STK10: variants seen among roughly 807,000 people sequenced by gnomAD.
STK10 encodes the protein serine/threonine-protein kinase 10.
Under a neutral mutation model 113.8 loss-of-function variants are expected in STK10, and 78 were observed. That is an observed-to-expected ratio of 0.69 (90% CI 0.57 to 0.83). The LOEUF (loss-of-function observed/expected upper bound fraction) is 0.83, where lower values mean the gene tolerates loss of function less well. Ranked by LOEUF, STK10 falls within the 40% of genes least tolerant of loss-of-function variation. The pLI is 0.00. For missense variants in STK10, 1,109 were observed against 1,280.1 expected (o/e 0.87, Z 2.04); for synonymous variants, 465 against 494.7 (o/e 0.94, Z 0.80).
At chr5:172,079,358 TACATGTCATAC>T (rs1255881573) in intron 12 of STK10, among the ~76,000 whole-genome samples, 1 of 152,098 alleles carries the variant, frequency 6.6e-6, no homozygotes, top group African/African-American at 2.4e-5. Context: ...GTACTCAGCT[TACATGTCATAC>T]ACTGAGAGGC....
rs945783019 is a variant in STK10 at position 172,042,726 on chromosome 5, A to G, written c.*2156T>C. The G allele has an allele frequency of 1.3e-5, 2 of 152,194 alleles. No homozygotes were observed. Among genetic ancestry groups the G allele is most frequent in the Admixed American group, 1.3e-4 (2 of 15,276 alleles). 9.4% of individuals were successfully genotyped at this position (152,194 alleles called of 1,614,324 possible). ...AGGAGACAATTGTTTCGCTTGTCTC[A>G]TTTGTGAGAGACCTAAAAAACACCC... On this transcript the variant is annotated 3_prime_UTR_variant, in exon 19 of 19. Coordinates refer to ENST00000176763, the MANE Select transcript of STK10 (RefSeq NM_005990.4).
At chr5:172,111,697 G>A (rs982457258) in intron 4 of STK10, among the ~76,000 whole-genome samples, 1 of 152,208 alleles carries the variant, frequency 6.6e-6, no homozygotes, top group African/African-American at 2.4e-5. Flanking sequence ...AAGGGCGGCG[G>A]AGATAAGGGA....
chr5:172,159,919 C>CCTG (rs1304359082), intron 1 of STK10, among the ~76,000 whole-genome samples: 2 of 150,194 alleles, frequency 1.3e-5, no homozygotes. Context: ...GGGCGGATCA[C>CCTG]AAGGTCAGGA....
intron 3 of STK10, among the ~76,000 whole-genome samples, chr5:172,125,369 T>A (rs1769597873): frequency 6.6e-6 from 1 of 151,806 alleles, no homozygotes; most frequent in Admixed American, 6.6e-5. Context: ...GTACAAGTCA[T>A]CTGCTCATGA....
At chr5:172,048,150 A>G (rs1767535985) in intron 18 of STK10, among the ~76,000 whole-genome samples, 1 of 152,130 alleles carries the variant, frequency 6.6e-6, no homozygotes, top group South Asian at 2.1e-4. Context: ...GCTAGATGTC[A>G]CTATGAAGGT....
At chr5:172,112,400 C>T (rs1769256180) in intron 4 of STK10, among the ~76,000 whole-genome samples, 1 of 150,192 alleles carries the variant, frequency 6.7e-6, no homozygotes, top group Admixed American at 6.7e-5. Context: ...GGGGGCAGTG[C>T]ACAGAAGGGA....
intron 12 of STK10, among the ~76,000 whole-genome samples, chr5:172,067,228 G>A (rs7717752): frequency 0.14 from 21,209 of 152,062 alleles, 2,063 homozygotes; most frequent in African/African-American, 0.27. Context: ...TGGTGCCAGT[G>A]CACCTGTAGT....
intron 2 of STK10, among the ~76,000 whole-genome samples, chr5:172,138,778 T>C (rs913610591): frequency 2.0e-5 from 3 of 151,884 alleles, no homozygotes; most frequent in Non-Finnish European, 4.4e-5. Context: ...TTTGGGAGGC[T>C]AAGGTGGGCG....
At position 172,187,789 on chromosome 5, in the gene STK10, C is replaced by T; in HGVS notation, c.156+98G>A. ...GACCCCGAATTCAGCGCCGGGCAGC[C>T]CTCGGAGCCGGAGCCAGGCTGGCCG... On this transcript the variant is annotated intron_variant, in intron 1 of 18. Coordinates refer to ENST00000176763, the MANE Select transcript of STK10 (RefSeq NM_005990.4). The surrounding 1 kb of genome is among the most constrained non-coding windows in gnomAD (Gnocchi z 4.6). The T allele has an allele frequency of 6.6e-7, 1 of 1,516,976 alleles. No homozygotes were observed. Among genetic ancestry groups the T allele is most frequent in the Non-Finnish European group, 8.9e-7 (1 of 1,126,514 alleles). 94.0% of individuals were successfully genotyped at this position (1,516,976 alleles called of 1,614,324 possible).
chr5:172,073,573 T>C (rs1315455525), intron 12 of STK10, among the ~76,000 whole-genome samples: 1 of 152,164 alleles, frequency 6.6e-6, no homozygotes, highest in Non-Finnish European at 1.5e-5. Context: ...GCTAGGATTA[T>C]AGGCGTAAGC....
intron 15 of STK10, among the ~76,000 whole-genome samples, chr5:172,056,373 C>T (rs1379693229): frequency 1.3e-5 from 2 of 152,328 alleles, no homozygotes; most frequent in East Asian, 3.9e-4. Flanking sequence ...CTGAGACAGA[C>T]AATTCCCGCA....
chr5:172,064,872 T>A, intron 12 of STK10, 60 bp from the exon 13 acceptor site: 1 of 1,580,084 alleles, frequency 6.3e-7, no homozygotes, highest in Non-Finnish European at 8.7e-7. Context: ...TCCTACAGTA[T>A]AATCTTCAAC....
chr5:172,168,908 A>T (rs891008870), intron 1 of STK10, among the ~76,000 whole-genome samples: 1 of 152,040 alleles, frequency 6.6e-6, no homozygotes, highest in African/African-American at 2.4e-5. Flanking sequence ...TGAACCCTCA[A>T]GGGCTCCTAG....
chr5:172,133,022 A>C lies in STK10; in HGVS notation c.322-5601T>G, dbSNP rs530123936. Among the ~76,000 whole-genome samples, 2 of 152,294 alleles carry C rather than the reference A, an allele frequency of 1.3e-5. No homozygotes were observed. Among genetic ancestry groups the C allele is most frequent in the Non-Finnish European group, 2.9e-5 (2 of 68,008 alleles). ...GAATTTACCACGTGGGGAAGGGTAA[A>C]GGCACTCCTGGCAGAACACAGAAGC... On this transcript the variant is annotated intron_variant, in intron 2 of 18. Coordinates refer to ENST00000176763, the MANE Select transcript of STK10 (RefSeq NM_005990.4). The surrounding 1 kb of genome is among the most constrained non-coding windows in gnomAD (Gnocchi z 4.9).
chr5:172,143,916 A>G (rs769792825), intron 2 of STK10, among the ~76,000 whole-genome samples: 32 of 152,252 alleles, frequency 2.1e-4, no homozygotes, highest in Non-Finnish European at 3.8e-4. Context: ...GGGGCAGAAC[A>G]GCCAAAAGAT....
intron 7 of STK10, among the ~76,000 whole-genome samples, chr5:172,097,625 A>C (rs780934213): frequency 5.3e-5 from 8 of 152,188 alleles, no homozygotes; most frequent in African/African-American, 7.2e-5. Context: ...GTCTCACTGT[A>C]TGACTACGGC....
chr5:172,106,297 G>A (rs557920582), intron 6 of STK10, among the ~76,000 whole-genome samples: 2 of 150,814 alleles, frequency 1.3e-5, no homozygotes, highest in South Asian at 2.1e-4. Flanking sequence ...GGCTACAAGG[G>A]AGGCTGAGGT....
At chr5:172,131,183 G>A (rs1305109695) in intron 2 of STK10, among the ~76,000 whole-genome samples, 1 of 151,926 alleles carries the variant, frequency 6.6e-6, no homozygotes, top group African/African-American at 2.4e-5. Flanking sequence ...ACAGGCGCCC[G>A]CCACCACATC....
chr5:172,117,945 A>G (rs1769424528), intron 3 of STK10, among the ~76,000 whole-genome samples: 1 of 146,930 alleles, frequency 6.8e-6, no homozygotes, highest in African/African-American at 2.5e-5. Flanking sequence ...CCTGGGCAGC[A>G]GAGGTTGCAG....
Sources: allele counts gnomAD v4.1 joint callset (sites outside exome capture counted in the v4.1 genomes callset), GRCh38; gene constraint gnomAD v4.1.1; non-coding constraint Gnocchi (gnomAD v3.1); transcripts MANE v1.5; gene names NCBI Gene and HGNC (gene_info 2026-07-23, HGNC 2026-07-21).